The following KLRG2 variants were observed in gnomAD, a reference collection of about 807,000 sequenced individuals.
KLRG2 encodes killer cell lectin like receptor G2.
A neutral mutation model predicts 35.4 loss-of-function variants in KLRG2; 39 were observed. That is an observed-to-expected ratio of 1.10 (90% CI 0.85 to 1.44). The LOEUF (loss-of-function observed/expected upper bound fraction) is 1.44. Among genes scored for constraint, KLRG2 ranks in the 40% most tolerant of loss-of-function variants. KLRG2 has a pLI of 0.00. For synonymous variants in KLRG2, 283 were observed against 265.8 expected (o/e 1.06, Z -0.63); for missense variants, 632 against 570.9 (o/e 1.11, Z -1.09).
At chr7:139,445,781 G>GTATATATATATATATATATGTA in the KLRG2 span, among the ~76,000 whole-genome samples, 3 of 98,500 alleles carry the variant, frequency 3.0e-5, no homozygotes, top group African/African-American at 2.3e-4. Context: ...ATATATATAT[G>GTATATATATATATATATATGTA]TATATATATA....
chr7:139,470,649 G>T (rs1255122453), intron 3 of KLRG2, among the ~76,000 whole-genome samples: 2 of 152,018 alleles, frequency 1.3e-5, no homozygotes, highest in African/African-American at 2.4e-5. Context: ...AAATTAGCTG[G>T]GTGTGGTGGC....
intron 3 of KLRG2, among the ~76,000 whole-genome samples, chr7:139,472,881 C>A (rs1796783169): frequency 6.6e-6 from 1 of 152,232 alleles, no homozygotes; most frequent in African/African-American, 2.4e-5. Context: ...ATCCACTCAT[C>A]TTCCCCATGC....
chr7:139,455,233 G>A (rs1353141895), intron 3 of KLRG2, among the ~76,000 whole-genome samples: 1 of 151,860 alleles, frequency 6.6e-6, no homozygotes, highest in East Asian at 1.9e-4. Context: ...GGCCTAGGCT[G>A]GTCTTGAGCT....
the KLRG2 span, among the ~76,000 whole-genome samples, chr7:139,433,307 T>C: frequency 1.7e-5 from 2 of 120,266 alleles, no homozygotes; most frequent in Non-Finnish European, 3.1e-5. Flanking sequence ...ACCTGTGGTG[T>C]GTGGTTTTTT....
At chr7:139,431,224 AAGC>A in the KLRG2 span, among the ~76,000 whole-genome samples, 15 of 152,240 alleles carry the variant, frequency 9.9e-5, no homozygotes, top group East Asian at 1.2e-3. Context: ...TAGGGACAGA[AAGC>A]AGGTTTGCCT....
At chr7:139,475,655 C>T (rs1306677027) in intron 3 of KLRG2, among the ~76,000 whole-genome samples, 2 of 152,098 alleles carry the variant, frequency 1.3e-5, no homozygotes, top group Non-Finnish European at 2.9e-5. Context: ...TCTCCTTTGG[C>T]TGTGTGTTTG....
rs772143597 is a variant in KLRG2 at position 139,454,119 on chromosome 7, C to T, written c.1101G>A (p.Pro367=). The stretch of plus-strand genomic sequence containing the variant: ...AGCCCGTGGTCACTCACAGCTGGGG[C>T]GGGAGTGGGGCCTCGTCGATCCAGT... ...GWHWIDEAPL[P]PQLLPEDGED... is the part of the protein sequence containing the mutation. The change falls in exon 4 of 5, where the codon CCG becomes CCA. Residue 367 remains proline, a synonymous_variant. Coordinates refer to ENST00000340940, the MANE Select transcript of KLRG2 (RefSeq NM_198508.4). The T allele has an allele frequency of 2.7e-5, 41 of 1,531,494 alleles. No individual in the cohort carries two copies. Among genetic ancestry groups the T allele is most frequent in the Admixed American group, 1.2e-4 (6 of 50,734 alleles). The allele number at this position is 1,531,494 out of a possible 1,614,324, so 94.9% of individuals were successfully genotyped here. A position where few individuals can be genotyped will look rare whatever the true frequency, so the allele number is the denominator to read the frequency against.
At chr7:139,451,150 A>T (rs996537577), downstream of KLRG2, among the ~76,000 whole-genome samples, 1 of 152,208 alleles carries the variant, frequency 6.6e-6, no homozygotes, top group African/African-American at 2.4e-5. Flanking sequence ...CCATAGAAGG[A>T]AGGGGGAAAA....
the KLRG2 span, among the ~76,000 whole-genome samples, chr7:139,431,523 G>A: frequency 4.6e-5 from 7 of 152,044 alleles, no homozygotes; most frequent in African/African-American, 1.7e-4. Flanking sequence ...GGAAAATTGG[G>A]AAAGACCTTG....
intron 3 of KLRG2, among the ~76,000 whole-genome samples, chr7:139,469,847 A>G (rs1796726782): frequency 1.3e-5 from 2 of 152,236 alleles, no homozygotes; most frequent in Admixed American, 6.5e-5. Flanking sequence ...AGGCCCGGCC[A>G]TGCGTTCCGC....
chr7:139,453,266 T>G lies in KLRG2; in HGVS notation c.*321A>C, dbSNP rs1205370777. On this transcript the variant is annotated 3_prime_UTR_variant, in exon 5 of 5. Transcript: ENST00000340940. ...GTGGTTGTTAACCCTGTCTTTTTCCTCTAGGGGGAAATTGTCATTTTAATG... is the reference window on the plus strand; with the variant it reads ...GTGGTTGTTAACCCTGTCTTTTTCCGCTAGGGGGAAATTGTCATTTTAATG... 6.3e-6 allele frequency: 3 copies of G among 476,236 alleles called. No individual in the cohort carries two copies. Among genetic ancestry groups the G allele is most frequent in the Non-Finnish European group, 1.1e-5 (3 of 274,404 alleles). 29.5% of individuals were successfully genotyped at this position (476,236 alleles called of 1,614,324 possible). A position where few individuals can be genotyped will look rare whatever the true frequency, so the allele number is the denominator to read the frequency against.
downstream of KLRG2, among the ~76,000 whole-genome samples, chr7:139,447,921 A>G (rs897413491): frequency 1.3e-5 from 2 of 152,130 alleles, no homozygotes; most frequent in African/African-American, 4.8e-5. Context: ...CCACTTACCA[A>G]TCAGAGTGTG....
chr7:139,437,677 C>G, the KLRG2 span, among the ~76,000 whole-genome samples: 1 of 152,176 alleles, frequency 6.6e-6, no homozygotes, highest in African/African-American at 2.4e-5. Flanking sequence ...ATGCTGGTCT[C>G]CAACTCCTGA....
At chr7:139,449,953 G>A (rs1031899759), downstream of KLRG2, among the ~76,000 whole-genome samples, 9 of 151,702 alleles carry the variant, frequency 5.9e-5, no homozygotes, top group South Asian at 6.2e-4. Flanking sequence ...CGCCCGCCTC[G>A]GCCTCCCAAA....
the KLRG2 span, among the ~76,000 whole-genome samples, chr7:139,428,459 A>C: frequency 6.6e-6 from 1 of 151,898 alleles, no homozygotes; most frequent in African/African-American, 2.4e-5. Context: ...GGATCACACT[A>C]TGTTTCCCAG....
the KLRG2 span, among the ~76,000 whole-genome samples, chr7:139,434,595 G>GT: frequency 6.6e-6 from 1 of 152,136 alleles, no homozygotes; most frequent in Non-Finnish European, 1.5e-5. Flanking sequence ...GCCTGTTCCT[G>GT]TTTTTTAAAA....
intron 3 of KLRG2, among the ~76,000 whole-genome samples, chr7:139,462,457 G>A (rs1182868904): frequency 4.0e-5 from 6 of 151,450 alleles, no homozygotes; most frequent in Non-Finnish European, 5.9e-5. Context: ...CCTTCTCTCC[G>A]TGTCTCTACC....
rs1796992355 is a variant in KLRG2 at position 139,483,054 on chromosome 7, A to G, written c.589T>C (p.Cys197Arg). ...PLAAARTESGCDAEGRASPAE... is the reference protein window; with the variant it reads ...PLAAARTESGRDAEGRASPAE... ...GGGCTGGCCCGGCCCTCTGCGTCGC[A>G]GCCGCTCTCCGTCCGGGCTGCAGCC... Residue 197 changes from cysteine (C) to arginine (R), a missense_variant, in exon 1 of 5, where the codon TGC becomes CGC. Transcript: ENST00000340940. 1.5e-6 allele frequency: 2 copies of G among 1,377,518 alleles called. No homozygotes were observed. The highest frequency in any genetic ancestry group is 1.5e-5 in the African/African-American group (1 of 65,340). 85.3% of individuals were successfully genotyped at this position (1,377,518 alleles called of 1,614,324 possible). A position where few individuals can be genotyped will look rare whatever the true frequency, so the allele number is the denominator to read the frequency against.
chr7:139,454,488 C>T (rs1181299727), intron 3 of KLRG2, among the ~76,000 whole-genome samples: 1 of 152,066 alleles, frequency 6.6e-6, no homozygotes, highest in Non-Finnish European at 1.5e-5. Flanking sequence ...GCTCAGTGGG[C>T]ATTGAGTGGG....
Sources: allele counts gnomAD v4.1 joint callset (sites outside exome capture counted in the v4.1 genomes callset), GRCh38; gene constraint gnomAD v4.1.1; transcripts MANE v1.5; gene names NCBI Gene and HGNC (gene_info 2026-07-23, HGNC 2026-07-21).